The following SSBP2 variants were observed in gnomAD, a reference collection of about 807,000 sequenced individuals.
The protein encoded by SSBP2 is single stranded DNA binding protein 2.
SSBP2 carries 17 observed loss-of-function variants against 61.8 expected under a neutral mutation model. The ratio of observed to expected loss-of-function variants is 0.28; its 90% CI spans 0.19 to 0.41. SSBP2 has a LOEUF of 0.41. Ranked by LOEUF, SSBP2 falls within the 10% of genes least tolerant of loss-of-function variation. SSBP2 has a pLI of 1.00. For missense variants in SSBP2, 310 were observed against 458.7 expected (o/e 0.68, Z 2.96); for synonymous variants, 139 against 141.3 (o/e 0.98, Z 0.12).
At chr5:81,430,565 C>T (rs1161601081) in intron 15 of SSBP2, among the ~76,000 whole-genome samples, 1 of 152,178 alleles carries the variant, frequency 6.6e-6, no homozygotes, top group Non-Finnish European at 1.5e-5. Flanking sequence ...AACTTCAAAC[C>T]TGATTCCTAA....
chr5:81,597,738 C>G (rs1743920473), intron 4 of SSBP2, among the ~76,000 whole-genome samples: 1 of 151,564 alleles, frequency 6.6e-6, no homozygotes, highest in East Asian at 1.9e-4. Flanking sequence ...AACCATCATT[C>G]TCAGCAAACT....
intron 1 of SSBP2, among the ~76,000 whole-genome samples, chr5:81,670,421 T>C (rs2153786657): frequency 6.6e-6 from 1 of 152,298 alleles, no homozygotes; most frequent in East Asian, 1.9e-4. Flanking sequence ...AGAAAAAAAT[T>C]TCTAAACTTA....
At chr5:81,742,459 A>G (rs769275420) in intron 1 of SSBP2, among the ~76,000 whole-genome samples, 164 of 152,298 alleles carry the variant, frequency 1.1e-3, no homozygotes, top group Non-Finnish European at 1.5e-3. Context: ...CATTTATTCC[A>G]CAAATACATA....
chr5:81,637,877 G>A (rs1244122768), intron 2 of SSBP2, among the ~76,000 whole-genome samples: 3 of 152,144 alleles, frequency 2.0e-5, no homozygotes, highest in Non-Finnish European at 2.9e-5. Context: ...TGATAGACTG[G>A]ATTAAGAAAC....
intron 1 of SSBP2, among the ~76,000 whole-genome samples, chr5:81,653,108 C>T (rs1336288179): frequency 6.6e-6 from 1 of 152,104 alleles, no homozygotes; most frequent in Non-Finnish European, 1.5e-5. Flanking sequence ...CCCCCTCACC[C>T]ACCGACAGGC....
Position 81,751,096 on chromosome 5 carries a change from TC to T in SSBP2, c.-55del. ...ACGCACCTGTCAACCCATCACAGCC[TC>T]CCCGGGAACAGCCCCGTCCCCATGG... On this transcript the variant is annotated 5_prime_UTR_variant, in exon 1 of 17. Transcript: ENST00000320672. 6.5e-7 allele frequency: 1 copy of T among 1,542,386 alleles called. No homozygotes were observed.
At chr5:81,605,772 C>T (rs924120044) in intron 4 of SSBP2, among the ~76,000 whole-genome samples, 2 of 152,160 alleles carry the variant, frequency 1.3e-5, no homozygotes, top group African/African-American at 4.8e-5. Flanking sequence ...AAGCCAGCCT[C>T]ATAATTTCAC....
chr5:81,629,890 A>G lies in SSBP2; in HGVS notation c.197+6667T>C, dbSNP rs115615979. On this transcript the variant is annotated intron_variant, in intron 3 of 16. Transcript: ENST00000320672. Reference sequence around the variant, plus strand: ...ACATTTAAGATCTACTCTCTTAGCAAATATCAAGTCTATAATACATTATTA... The same window carrying G: ...ACATTTAAGATCTACTCTCTTAGCAGATATCAAGTCTATAATACATTATTA... 5.7e-3 allele frequency among the ~76,000 whole-genome samples: 865 copies of G among 152,312 alleles called. 10 individuals are homozygous for G. Among genetic ancestry groups the G allele is most frequent in the African/African-American group, 0.02 (831 of 41,558 alleles).
chr5:81,650,231 G>C, intron 2 of SSBP2, 36 bp downstream of exon 2: 2 of 1,382,316 alleles, frequency 1.4e-6, no homozygotes, highest in South Asian at 1.3e-5. Flanking sequence ...ATTTATATAA[G>C]ATCAAAATGC....
At chr5:81,623,414 C>A (rs1191939843) in intron 3 of SSBP2, among the ~76,000 whole-genome samples, 1 of 148,078 alleles carries the variant, frequency 6.8e-6, no homozygotes, top group South Asian at 2.1e-4. Flanking sequence ...CAGCTCACTG[C>A]AAGCTCTGCC....
At chr5:81,695,841 T>C (rs962422357) in intron 1 of SSBP2, among the ~76,000 whole-genome samples, 2 of 152,164 alleles carry the variant, frequency 1.3e-5, no homozygotes, top group Admixed American at 6.5e-5. Flanking sequence ...TTATTTTACA[T>C]TGATTTTAAA....
At chr5:81,605,230 G>A (rs1026425776) in intron 4 of SSBP2, among the ~76,000 whole-genome samples, 1 of 151,988 alleles carries the variant, frequency 6.6e-6, no homozygotes, top group African/African-American at 2.4e-5. Flanking sequence ...TAAGTACAGT[G>A]TCTATCTTCT....
intron 4 of SSBP2, among the ~76,000 whole-genome samples, chr5:81,575,502 GATAAGCA>G (rs996917727): frequency 2.0e-5 from 3 of 151,940 alleles, no homozygotes; most frequent in Non-Finnish European, 4.4e-5. Flanking sequence ...TAATCTCTGG[GATAAGCA>G]TAAAAAGAAC....
chr5:81,750,228 G>A (rs1397006107), intron 1 of SSBP2, among the ~76,000 whole-genome samples: 3 of 149,064 alleles, frequency 2.0e-5, no homozygotes, highest in African/African-American at 2.5e-5. Flanking sequence ...CGGCGTCTCC[G>A]GCGCCCACCC....
intron 4 of SSBP2, among the ~76,000 whole-genome samples, chr5:81,583,969 A>T (rs1349653452): frequency 6.6e-6 from 1 of 152,238 alleles, no homozygotes; most frequent in Non-Finnish European, 1.5e-5. Context: ...TACAATGATT[A>T]TATTACAACA....
At chr5:81,625,108 C>T (rs1442894114) in intron 3 of SSBP2, among the ~76,000 whole-genome samples, 1 of 152,112 alleles carries the variant, frequency 6.6e-6, no homozygotes, top group African/African-American at 2.4e-5. Context: ...ATATTTTTAA[C>T]AAATGCTTTT....
At chr5:81,691,091 T>C (rs1446160893) in intron 1 of SSBP2, among the ~76,000 whole-genome samples, 3 of 152,134 alleles carry the variant, frequency 2.0e-5, no homozygotes, top group African/African-American at 4.8e-5. Context: ...GGAAAGTTTA[T>C]AGCTATAAAC....
intron 1 of SSBP2, among the ~76,000 whole-genome samples, chr5:81,690,585 A>T (rs1753129578): frequency 6.6e-6 from 1 of 152,174 alleles, no homozygotes; most frequent in African/African-American, 2.4e-5. Flanking sequence ...ATATAAAGCA[A>T]CTATTATTAG....
intron 1 of SSBP2, among the ~76,000 whole-genome samples, chr5:81,707,448 A>C (rs1458555458): frequency 6.6e-6 from 1 of 152,168 alleles, no homozygotes; most frequent in Non-Finnish European, 1.5e-5. Flanking sequence ...AGGGAAGGTG[A>C]CATGAAGAGA....
Sources: allele counts gnomAD v4.1 joint callset (sites outside exome capture counted in the v4.1 genomes callset), GRCh38; gene constraint gnomAD v4.1.1; transcripts MANE v1.5; gene names NCBI Gene and HGNC (gene_info 2026-07-23, HGNC 2026-07-21).